Variants in NECAB1 observed in about 807,000 individuals in gnomAD.
NECAB1 encodes the protein N-terminal EF-hand calcium-binding protein 1.
NECAB1 carries 29 observed loss-of-function variants against 57.5 expected under a neutral mutation model. The ratio of observed to expected loss-of-function variants is 0.50; its 90% CI spans 0.38 to 0.69. The LOEUF (loss-of-function observed/expected upper bound fraction) is 0.69, where lower values mean the gene tolerates loss of function less well. Ranked by LOEUF, NECAB1 falls within the 30% of genes least tolerant of loss-of-function variation. The pLI is 0.00. For missense variants in NECAB1, 372 were observed against 413.8 expected, an observed-to-expected ratio of 0.90 and a Z score of 0.88; for synonymous variants, 142 against 147.7, an observed-to-expected ratio of 0.96 and a Z score of 0.28.
rs1248194258 is a variant in NECAB1 at position 90,956,604 on chromosome 8, GC to G, written c.*1093del. ...AAAATCTGTTCTGGTTATAAACCTT[GC>G]TAATGAAAATACAATACATATAAAA... On this transcript the variant is annotated 3_prime_UTR_variant, in exon 13 of 13. Coordinates refer to ENST00000417640, the MANE Select transcript of NECAB1 (RefSeq NM_022351.5). 1 of 151,630 alleles carries G rather than the reference GC, an allele frequency of 6.6e-6. No individual in the cohort carries two copies. The highest frequency in any genetic ancestry group is 1.5e-5 in the Non-Finnish European group (1 of 67,846). 9.4% of individuals were successfully genotyped at this position (151,630 alleles called of 1,614,324 possible).
intron 1 of NECAB1, among the ~76,000 whole-genome samples, chr8:90,796,864 C>T (rs2130639281): frequency 6.6e-6 from 1 of 152,280 alleles, no homozygotes; most frequent in East Asian, 1.9e-4. Context: ...ATAACAAAAG[C>T]TGCTGTTTTT....
At chr8:90,896,872 C>T (rs1809358831) in intron 5 of NECAB1, among the ~76,000 whole-genome samples, 2 of 151,828 alleles carry the variant, frequency 1.3e-5, no homozygotes, top group Non-Finnish European at 2.9e-5. Flanking sequence ...CCCGCCAAAG[C>T]ACTCACCACT....
At chr8:90,917,840 C>CTATATA (rs34288387) in intron 6 of NECAB1, among the ~76,000 whole-genome samples, 935 of 47,262 alleles carry the variant, frequency 0.02, 38 homozygotes, top group African/African-American at 0.058. Flanking sequence ...ATTTAGTAAA[C>CTATATA]TATATATATA....
chr8:90,793,683 A>G (rs1367570517), intron 1 of NECAB1, among the ~76,000 whole-genome samples: 2 of 152,320 alleles, frequency 1.3e-5, no homozygotes, highest in South Asian at 4.1e-4. Context: ...GTTGATTCAA[A>G]GGGGACAAGT....
chr8:90,919,296 C>T (rs532909363), intron 6 of NECAB1, among the ~76,000 whole-genome samples: 43 of 152,246 alleles, frequency 2.8e-4, no homozygotes, highest in African/African-American at 1.0e-3. Context: ...TGTGCTTTAT[C>T]TAACTTTTAC....
At chr8:90,855,759 G>A (rs1299831792) in intron 3 of NECAB1, among the ~76,000 whole-genome samples, 1 of 152,166 alleles carries the variant, frequency 6.6e-6, no homozygotes, top group African/African-American at 2.4e-5. Flanking sequence ...CAATTTTGGT[G>A]AATCCATGGC....
chr8:90,836,528 G>T (rs947930784), intron 3 of NECAB1, among the ~76,000 whole-genome samples: 1 of 152,142 alleles, frequency 6.6e-6, no homozygotes, highest in Non-Finnish European at 1.5e-5. Flanking sequence ...CCTGTGGTGG[G>T]CCATAGGGTT....
Position 90,925,610 on chromosome 8 carries a change from C to T in NECAB1, c.570C>T (p.His190=), listed in dbSNP as rs767297158. ...GATCAAGCCGCCGAGTCCAGAGACACAACAGCTTCTCCCCAAACAGCCCTC... is the reference window on the plus strand; with the variant it reads ...GATCAAGCCGCCGAGTCCAGAGACATAACAGCTTCTCCCCAAACAGCCCTC... ...GKRSSRRVQR[H]NSFSPNSPQF... The change falls in exon 7 of 13, where the codon CAC becomes CAT. Residue 190 remains histidine, a synonymous_variant. Coordinates refer to ENST00000417640, the MANE Select transcript of NECAB1 (RefSeq NM_022351.5). The T allele has an allele frequency of 3.7e-6, 6 of 1,613,802 alleles. No individual in the cohort carries two copies. The highest frequency in any genetic ancestry group is 2.2e-5 in the South Asian group (2 of 91,040).
chr8:90,839,132 A>G (rs1252590258), intron 3 of NECAB1, among the ~76,000 whole-genome samples: 1 of 152,214 alleles, frequency 6.6e-6, no homozygotes, highest in Non-Finnish European at 1.5e-5. Flanking sequence ...TCTAAATCAA[A>G]TAATTAATCA....
At chr8:90,809,264 G>A (rs911248290) in intron 2 of NECAB1, among the ~76,000 whole-genome samples, 1 of 152,152 alleles carries the variant, frequency 6.6e-6, no homozygotes, top group African/African-American at 2.4e-5. Context: ...AGTTTCAGAG[G>A]CTTCCACAAC....
Position 90,834,164 on chromosome 8 carries a change from CAA to C in NECAB1, c.233+9362_233+9363del, listed in dbSNP as rs71560282. Among the ~76,000 whole-genome samples the C allele has an allele frequency of 9.6e-3, 470 of 49,138 alleles. 1 individual carries two copies. Among genetic ancestry groups the C allele is most frequent in the African/African-American group, 0.03 (449 of 15,112 alleles). The allele number at this position is 49,138 out of a possible 152,430, so 32.2% of individuals were successfully genotyped here. A position where few individuals can be genotyped will look rare whatever the true frequency, so the allele number is the denominator to read the frequency against. On this transcript the variant is annotated intron_variant, in intron 3 of 12. Coordinates refer to ENST00000417640, the MANE Select transcript of NECAB1 (RefSeq NM_022351.5). ...TAAGAGACAGAGTGAAACTGTGTCT[CAA>C]AAAAAAAAAAAAAAAAAAAAAAGAT... is the stretch of plus-strand genomic sequence containing the variant.
Position 90,955,556 on chromosome 8 carries a change from T to C in NECAB1, c.*44T>C, listed in dbSNP as rs1240582635. 24 of 1,449,368 alleles carry C rather than the reference T, an allele frequency of 1.7e-5. No individual in the cohort carries two copies. Among genetic ancestry groups the C allele is most frequent in the Admixed American group, 2.2e-5 (1 of 45,240 alleles). The allele number at this position is 1,449,368 out of a possible 1,614,324, so 89.8% of individuals were successfully genotyped here. On this transcript the variant is annotated 3_prime_UTR_variant, in exon 13 of 13. Coordinates refer to ENST00000417640, the MANE Select transcript of NECAB1 (RefSeq NM_022351.5). The stretch of plus-strand genomic sequence containing the variant: ...TTTATGGTTCCAAGTGCAAAACAGG[T>C]GTTCTTATCTAAAACGTCAATTAGA...
intron 2 of NECAB1, among the ~76,000 whole-genome samples, chr8:90,803,636 C>G (rs1189863239): frequency 6.6e-6 from 1 of 152,148 alleles, no homozygotes; most frequent in Non-Finnish European, 1.5e-5. Context: ...TCACCTGCCC[C>G]CACTCTGCCT....
intron 5 of NECAB1, among the ~76,000 whole-genome samples, chr8:90,895,139 G>A (rs895853201): frequency 6.6e-5 from 10 of 152,094 alleles, no homozygotes; most frequent in Non-Finnish European, 1.5e-5. Context: ...AAAGTAAACA[G>A]AAATTAATTC....
intron 2 of NECAB1, among the ~76,000 whole-genome samples, chr8:90,816,028 C>T (rs1812056287): frequency 6.6e-6 from 1 of 151,852 alleles, no homozygotes; most frequent in South Asian, 2.1e-4. Context: ...TCCATTGCTC[C>T]ACTTTCTAGC....
At chr8:90,885,308 A>G (rs1586084968) in intron 5 of NECAB1, among the ~76,000 whole-genome samples, 1 of 152,140 alleles carries the variant, frequency 6.6e-6, no homozygotes, top group Non-Finnish European at 1.5e-5. Context: ...TTGCACTGGC[A>G]CCTACCTGGC....
intron 2 of NECAB1, among the ~76,000 whole-genome samples, chr8:90,804,560 G>C (rs1811817022): frequency 6.6e-6 from 1 of 150,858 alleles, no homozygotes; most frequent in Non-Finnish European, 1.5e-5. Flanking sequence ...AGGTGATAGA[G>C]ACATTAATCT....
chr8:90,933,144 A>G (rs1286495303), intron 8 of NECAB1, among the ~76,000 whole-genome samples: 4 of 152,242 alleles, frequency 2.6e-5, no homozygotes, highest in Admixed American at 1.3e-4. Flanking sequence ...GTAAACAAGT[A>G]CAACCACTAT....
At chr8:90,880,962 T>G (rs537311883) in intron 4 of NECAB1, 71 bp from the exon 5 acceptor site, 20 of 1,083,856 alleles carry the variant, frequency 1.8e-5, no homozygotes, top group Non-Finnish European at 2.6e-5. Flanking sequence ...GAGTAAATAA[T>G]TAGTTGATTT....
Sources: gnomAD v4.1 joint callset for allele counts (sites outside exome capture counted in the v4.1 genomes callset) on GRCh38, gnomAD v4.1.1 for gene constraint, MANE v1.5 for transcripts, NCBI Gene and HGNC (gene_info 2026-07-23, HGNC 2026-07-21) for gene names.